Variants in LDLRAD3 observed in about 807,000 individuals in gnomAD.
LDLRAD3 encodes low density lipoprotein receptor class A domain containing 3.
LDLRAD3 carries 20 observed loss-of-function variants against 29.4 expected under a neutral mutation model. The ratio of observed to expected loss-of-function variants is 0.68; its 90% confidence interval spans 0.48 to 0.99. The LOEUF is 0.99. Among genes scored for constraint, LDLRAD3 ranks in the 50% least tolerant of loss-of-function variants. The pLI is 0.00. For synonymous variants in LDLRAD3, 157 were observed against 192.7 expected, an observed-to-expected ratio of 0.81 and a Z score of 1.53; for missense variants, 420 against 454.3, an observed-to-expected ratio of 0.92 and a Z score of 0.69.
At chr11:36,013,825 CT>C (rs1851986944) in intron 1 of LDLRAD3, among the ~76,000 whole-genome samples, 1 of 152,046 alleles carries the variant, frequency 6.6e-6, no homozygotes, top group Non-Finnish European at 1.5e-5. Context: ...TTGACAGTGG[CT>C]GTTACAGATG....
At chr11:36,172,262 C>T (rs1854608685) in intron 4 of LDLRAD3, among the ~76,000 whole-genome samples, 1 of 152,120 alleles carries the variant, frequency 6.6e-6, no homozygotes, top group East Asian at 1.9e-4. Flanking sequence ...GGTATATGAT[C>T]ATATCATAAG....
chr11:36,087,685 G>T (rs74816748), intron 3 of LDLRAD3, among the ~76,000 whole-genome samples: 10,443 of 152,134 alleles, frequency 0.069, 532 homozygotes, highest in South Asian at 0.2. Context: ...GCACTCAGGA[G>T]TGAGGATAAG....
chr11:36,216,653 C>T (rs1233933499), intron 4 of LDLRAD3, among the ~76,000 whole-genome samples: 2 of 152,128 alleles, frequency 1.3e-5, no homozygotes, highest in Non-Finnish European at 2.9e-5. Context: ...TGAATCTAGA[C>T]AGTTTGATCT....
intron 2 of LDLRAD3, among the ~76,000 whole-genome samples, chr11:36,063,086 G>A (rs1852731251): frequency 6.6e-6 from 1 of 152,166 alleles, no homozygotes. Context: ...AGGCCTGAAA[G>A]TCCTTCCCTG....
At chr11:35,951,104 A>G (rs1246740264) in intron 1 of LDLRAD3, among the ~76,000 whole-genome samples, 1 of 152,164 alleles carries the variant, frequency 6.6e-6, no homozygotes, top group African/African-American at 2.4e-5. Flanking sequence ...ATTAAAAAAA[A>G]ATACACAGAC....
At chr11:36,184,413 A>AT (rs1854815265) in intron 4 of LDLRAD3, among the ~76,000 whole-genome samples, 1 of 152,138 alleles carries the variant, frequency 6.6e-6, no homozygotes, top group South Asian at 2.1e-4. Context: ...AAGTCTTTAC[A>AT]TGTCTATTTC....
intron 4 of LDLRAD3, among the ~76,000 whole-genome samples, chr11:36,223,271 A>G (rs61881477): frequency 0.066 from 10,078 of 152,230 alleles, 426 homozygotes; most frequent in East Asian, 0.18. Flanking sequence ...TCGGAGACAT[A>G]AGTGAGCCCA....
At chr11:36,143,629 T>C (rs74783463) in intron 4 of LDLRAD3, among the ~76,000 whole-genome samples, 3,181 of 152,292 alleles carry the variant, frequency 0.021, 95 homozygotes, top group African/African-American at 0.073. Flanking sequence ...TGGCTGTGGC[T>C]GCTAACAAAA....
chr11:36,112,516 G>T (rs1853620060), intron 4 of LDLRAD3, among the ~76,000 whole-genome samples: 1 of 152,170 alleles, frequency 6.6e-6, no homozygotes, highest in African/African-American at 2.4e-5. Context: ...CCTTTGGAAG[G>T]GGCAGCCCTC....
chr11:36,025,812 T>C (rs1480111599), intron 1 of LDLRAD3, among the ~76,000 whole-genome samples: 1 of 136,102 alleles, frequency 7.3e-6, no homozygotes, highest in Non-Finnish European at 1.5e-5. Flanking sequence ...GGAGTTTCGC[T>C]CTTGTTGCCC....
chr11:36,159,602 T>TTA (rs1295879068), intron 4 of LDLRAD3, among the ~76,000 whole-genome samples: 1 of 58,468 alleles, frequency 1.7e-5, no homozygotes, highest in African/African-American at 5.9e-5. Context: ...TTACAGAAAC[T>TTA]AAAAAAAAAA....
At chr11:36,033,706 G>C (rs777819027) in intron 1 of LDLRAD3, among the ~76,000 whole-genome samples, 2 of 152,192 alleles carry the variant, frequency 1.3e-5, no homozygotes, top group Non-Finnish European at 2.9e-5. Context: ...TCTGGGTTGA[G>C]CATTTGTTGT....
At chr11:36,066,555 G>A (rs1340396389) in intron 2 of LDLRAD3, among the ~76,000 whole-genome samples, 1 of 152,128 alleles carries the variant, frequency 6.6e-6, no homozygotes, top group African/African-American at 2.4e-5. Context: ...ATATGTGTGT[G>A]CATTACAAAT....
rs1169247141 is a variant in LDLRAD3 at position 35,944,473 on chromosome 11, G to C, written c.46+329G>C. On this transcript the variant is annotated intron_variant, in intron 1 of 5. Transcript: ENST00000315571. The surrounding 1 kb of genome is among the most constrained non-coding windows in gnomAD (Gnocchi z 4.9). Reference sequence around the variant, plus strand: ...GTGTGGCTGTGTGTGTGTTGTGTGTGTTGAGGAACGGAGGCGGGGAAAGGA... The same window carrying C: ...GTGTGGCTGTGTGTGTGTTGTGTGTCTTGAGGAACGGAGGCGGGGAAAGGA... Among the ~76,000 whole-genome samples the C allele has an allele frequency of 1.3e-5, 2 of 151,748 alleles. No homozygotes were observed. Among genetic ancestry groups the C allele is most frequent in the African/African-American group, 4.9e-5 (2 of 41,190 alleles).
chr11:36,055,756 G>A (rs912717449), intron 2 of LDLRAD3, among the ~76,000 whole-genome samples: 1 of 152,212 alleles, frequency 6.6e-6, no homozygotes, highest in African/African-American at 2.4e-5. Context: ...TTTCTCAGCC[G>A]TAGTTTTCTC....
At chr11:36,072,801 C>T (rs1034572757) in intron 2 of LDLRAD3, among the ~76,000 whole-genome samples, 2 of 152,206 alleles carry the variant, frequency 1.3e-5, no homozygotes, top group Non-Finnish European at 2.9e-5. Flanking sequence ...TTACACGAGT[C>T]TTTGTCCTTA....
chr11:36,080,313 G>C (rs927119122), intron 2 of LDLRAD3, among the ~76,000 whole-genome samples: 1 of 152,170 alleles, frequency 6.6e-6, no homozygotes, highest in Admixed American at 6.5e-5. Context: ...TACCCCACAG[G>C]GCTGTTTGTT....
intron 2 of LDLRAD3, among the ~76,000 whole-genome samples, chr11:36,063,237 G>A (rs906722530): frequency 2.6e-5 from 4 of 151,852 alleles, no homozygotes; most frequent in Non-Finnish European, 5.9e-5. Flanking sequence ...CTGGAAAAAA[G>A]CAACTCTTTC....
At chr11:36,227,485 G>C in intron 5 of LDLRAD3, 55 bp downstream of exon 5, 1 of 1,324,110 alleles carries the variant, frequency 7.6e-7, no homozygotes. Flanking sequence ...TGCGGGGAGG[G>C]GAATAGGTGC....
Sources: gnomAD v4.1 joint callset for allele counts (sites outside exome capture counted in the v4.1 genomes callset) on GRCh38, gnomAD v4.1.1 for gene constraint, Gnocchi (gnomAD v3.1) non-coding constraint, MANE v1.5 for transcripts, NCBI Gene and HGNC (gene_info 2026-07-23, HGNC 2026-07-21) for gene names.